PARD3: variants seen among roughly 807,000 people sequenced by gnomAD.
The protein encoded by PARD3 is partitioning defective 3 homolog.
In PARD3, 75 loss-of-function variants were observed where a neutral mutation model predicts 155.4. The observed-to-expected ratio is 0.48, with a 90% CI of 0.40 to 0.58. The LOEUF is 0.58. Ranked by LOEUF, PARD3 falls within the 20% of genes least tolerant of loss-of-function variation. The probability of loss-of-function intolerance (pLI) is 0.00; values close to 1 mark genes in which losing one functional copy is unlikely to be tolerated. For missense variants in PARD3, 1,642 were observed against 1,721.7 expected (o/e 0.95, Z 0.82); for synonymous variants, 576 against 610.5 (o/e 0.94, Z 0.83).
chr10:34,737,323 C>T (rs2094933810), intron 1 of PARD3, among the ~76,000 whole-genome samples: 1 of 152,212 alleles, frequency 6.6e-6, no homozygotes, highest in African/African-American at 2.4e-5. Flanking sequence ...CACTTCTCCA[C>T]TAACAACAGT....
intron 7 of PARD3, among the ~76,000 whole-genome samples, chr10:34,385,600 C>T (rs572197495): frequency 6.6e-6 from 1 of 152,084 alleles, no homozygotes; most frequent in Admixed American, 6.5e-5. Context: ...TTGAAGACAC[C>T]CTAATTTTCA....
intron 5 of PARD3, among the ~76,000 whole-genome samples, chr10:34,443,422 G>A (rs764967506): frequency 6.6e-6 from 1 of 152,086 alleles, no homozygotes; most frequent in Non-Finnish European, 1.5e-5. Context: ...ATACATACCC[G>A]AGACTGGGCA....
At chr10:34,211,678 C>T (rs1268019364) in intron 22 of PARD3, among the ~76,000 whole-genome samples, 1 of 151,586 alleles carries the variant, frequency 6.6e-6, no homozygotes, top group Non-Finnish European at 1.5e-5. Flanking sequence ...TACTGGGGAG[C>T]GTGAGGCAGG....
chr10:34,789,617 T>A (rs1182641376), intron 1 of PARD3, among the ~76,000 whole-genome samples: 1 of 151,948 alleles, frequency 6.6e-6, no homozygotes, highest in Non-Finnish European at 1.5e-5. Context: ...GGCAAGAGGA[T>A]CACTGGAGCC....
Position 34,110,878 on chromosome 10 carries a change from T to C in PARD3, c.*291A>G. The C allele has an allele frequency of 3.9e-6, 1 of 259,194 alleles. No homozygotes were observed. Among genetic ancestry groups the C allele is most frequent in the East Asian group, 6.8e-5 (1 of 14,698 alleles). 16.1% of individuals were successfully genotyped at this position (259,194 alleles called of 1,614,324 possible). ...ATGTTACAACCAAGCCGCGGACAAC[T>C]CATGAGTAGGGCCGAGATTCCTGGT... is the stretch of plus-strand genomic sequence containing the variant. On this transcript the variant is annotated 3_prime_UTR_variant, in exon 25 of 25. Coordinates refer to ENST00000374788, the MANE Select transcript of PARD3 (RefSeq NM_001184785.2).
At chr10:34,492,609 T>A (rs1473943179) in intron 3 of PARD3, among the ~76,000 whole-genome samples, 2 of 152,354 alleles carry the variant, frequency 1.3e-5, no homozygotes, top group East Asian at 1.9e-4. Flanking sequence ...ATTTGAAATG[T>A]CCTACCACAT....
intron 9 of PARD3, among the ~76,000 whole-genome samples, chr10:34,380,792 A>C (rs1173321660): frequency 1.3e-5 from 2 of 152,208 alleles, no homozygotes; most frequent in Non-Finnish European, 2.9e-5. Context: ...AAAGATATTT[A>C]TGAACCAGTA....
chr10:34,543,100 C>CT (rs35082383), intron 2 of PARD3, among the ~76,000 whole-genome samples: 54,866 of 148,188 alleles, frequency 0.37, 10,245 homozygotes, highest in South Asian at 0.45. Context: ...TTTTTAAAGG[C>CT]TTTTTTTTTT....
intron 3 of PARD3, among the ~76,000 whole-genome samples, chr10:34,502,564 G>T (rs2080788760): frequency 6.6e-6 from 1 of 152,142 alleles, no homozygotes; most frequent in South Asian, 2.1e-4. Flanking sequence ...TACTAATTGT[G>T]TGTGTAGCGA....
chr10:34,770,275 A>T (rs1309245227), intron 1 of PARD3, among the ~76,000 whole-genome samples: 3 of 152,220 alleles, frequency 2.0e-5, no homozygotes, highest in African/African-American at 7.2e-5. Context: ...CCAATCCATG[A>T]TCATCTCACA....
At chr10:34,390,863 T>C (rs777959508) in intron 7 of PARD3, among the ~76,000 whole-genome samples, 1 of 152,226 alleles carries the variant, frequency 6.6e-6, no homozygotes, top group Non-Finnish European at 1.5e-5. Context: ...ACAAAGCAAC[T>C]TGTACACTTT....
intron 1 of PARD3, among the ~76,000 whole-genome samples, chr10:34,705,144 T>A (rs1324047835): frequency 3.3e-5 from 5 of 152,212 alleles, no homozygotes. Flanking sequence ...TTCTGACTTT[T>A]CCTGATTTAA....
At chr10:34,641,672 T>A (rs560105968) in intron 2 of PARD3, among the ~76,000 whole-genome samples, 1 of 152,230 alleles carries the variant, frequency 6.6e-6, no homozygotes, top group Admixed American at 6.5e-5. Flanking sequence ...GTTCTCCACA[T>A]GGCGGAGCAC....
At chr10:34,366,261 T>C (rs1839956790) in intron 12 of PARD3, among the ~76,000 whole-genome samples, 1 of 152,232 alleles carries the variant, frequency 6.6e-6, no homozygotes, top group Non-Finnish European at 1.5e-5. Context: ...TTAGATAAGA[T>C]ATTCAACACT....
chr10:34,447,594 A>G (rs1158343036), intron 5 of PARD3, among the ~76,000 whole-genome samples: 2 of 150,844 alleles, frequency 1.3e-5, no homozygotes, highest in Admixed American at 1.3e-4. Context: ...TGAGGTCAAT[A>G]GATCAAGACC....
At chr10:34,455,702 A>G (rs1409548351) in intron 4 of PARD3, among the ~76,000 whole-genome samples, 1 of 152,218 alleles carries the variant, frequency 6.6e-6, no homozygotes. Context: ...TATTGGAATA[A>G]TAAACTAAAT....
intron 2 of PARD3, among the ~76,000 whole-genome samples, chr10:34,612,828 G>A (rs1348400722): frequency 6.6e-6 from 1 of 152,156 alleles, no homozygotes; most frequent in Non-Finnish European, 1.5e-5. Context: ...TAACTTACTT[G>A]CCTGTGAAAT....
chr10:34,459,362 G>A (rs745667716), intron 4 of PARD3, among the ~76,000 whole-genome samples: 5 of 151,780 alleles, frequency 3.3e-5, no homozygotes, highest in African/African-American at 4.8e-5. Context: ...TAGTAGAGGC[G>A]GGGTTTCACC....
chr10:34,779,706 T>C (rs934865524), intron 1 of PARD3, among the ~76,000 whole-genome samples: 1 of 152,192 alleles, frequency 6.6e-6, no homozygotes, highest in Non-Finnish European at 1.5e-5. Context: ...AGTCCTTCTG[T>C]GAAGAAAGAT....
Sources: allele counts gnomAD v4.1 joint callset (sites outside exome capture counted in the v4.1 genomes callset), GRCh38; gene constraint gnomAD v4.1.1; transcripts MANE v1.5; gene names NCBI Gene and HGNC (gene_info 2026-07-23, HGNC 2026-07-21).